The following SCN11A variants were observed in gnomAD, a reference collection of about 807,000 sequenced individuals.
SCN11A encodes sodium channel protein type 11 subunit alpha.
A neutral mutation model predicts 162.2 loss-of-function variants in SCN11A; 122 were observed. The observed-to-expected ratio is 0.75, with a 90% confidence interval of 0.65 to 0.87. The LOEUF is 0.87. SCN11A is among the 40% of genes least tolerant of loss of function. SCN11A has a pLI of 0.00. For synonymous variants in SCN11A, 758 were observed against 751.5 expected (o/e 1.01, Z -0.14); for missense variants, 2,015 against 2,181.6 (o/e 0.92, Z 1.52).
intron 16 of SCN11A, among the ~76,000 whole-genome samples, chr3:38,901,119 C>A (rs1227619581): frequency 1.3e-5 from 2 of 151,980 alleles, no homozygotes; most frequent in African/African-American, 4.8e-5. Context: ...CTGGGGGGAA[C>A]CTATAAACGA....
chr3:38,995,519 C>G (rs2030598839), intron 2 of SCN11A, among the ~76,000 whole-genome samples: 1 of 152,176 alleles, frequency 6.6e-6, no homozygotes, highest in Admixed American at 6.5e-5. Context: ...TGTTGGGAGG[C>G]AGGGAGCATC....
In SCN11A at chr3:39,028,581, A is replaced by C. The variant is rs116380692; in HGVS notation, c.-280+3799T>G. On this transcript the variant is annotated intron_variant, in intron 2 of 29. Coordinates refer to ENST00000302328, the MANE Select transcript of SCN11A (RefSeq NM_001349253.2). ...TATAACAGAATGCCTGGGACTGGGTAATTTATAAAGAAAGGAAGTTTATTT... is the reference window on the plus strand; with the variant it reads ...TATAACAGAATGCCTGGGACTGGGTCATTTATAAAGAAAGGAAGTTTATTT... Among the ~76,000 whole-genome samples, 594 of 152,296 alleles carry C rather than the reference A, an allele frequency of 3.9e-3. 5 individuals are homozygous for C. Among genetic ancestry groups the C allele is most frequent in the African/African-American group, 9.1e-3 (380 of 41,558 alleles).
rs754748948 is a variant in SCN11A, at chr3:38,846,925, A to G, written c.5145T>C (p.Asn1715=). The change falls in exon 30 of 30, where the codon AAT becomes AAC. Residue 1715 remains asparagine (N), a synonymous_variant. Transcript: ENST00000302328. The part of the protein sequence containing the change: ...AMMEEKFMEA[N]PLKKLYEPIV... Reference sequence around the variant, plus strand: ...TGGGTTCATACAACTTCTTGAGAGGATTGGCTTCCATGAACTTCTCTTCCA... The same window carrying G: ...TGGGTTCATACAACTTCTTGAGAGGGTTGGCTTCCATGAACTTCTCTTCCA... The G allele has an allele frequency of 3.7e-6, 6 of 1,613,832 alleles. No homozygotes were observed. Among genetic ancestry groups the G allele is most frequent in the Non-Finnish European group, 5.1e-6 (6 of 1,179,982 alleles).
chr3:38,937,676 C>T (rs1419551835), intron 7 of SCN11A, among the ~76,000 whole-genome samples: 2 of 151,996 alleles, frequency 1.3e-5, no homozygotes, highest in South Asian at 4.1e-4. Flanking sequence ...CAATGAGATA[C>T]CATCTCACAC....
At chr3:38,961,729 G>A (rs1170442656) in intron 2 of SCN11A, among the ~76,000 whole-genome samples, 2 of 152,292 alleles carry the variant, frequency 1.3e-5, no homozygotes, top group African/African-American at 4.8e-5. Flanking sequence ...TGATAGGATT[G>A]TTTGGGTTTT....
At chr3:38,863,153 C>A in intron 28 of SCN11A, 42 bp downstream of exon 28, 1 of 1,155,566 alleles carries the variant, frequency 8.7e-7, no homozygotes, top group Non-Finnish European at 1.3e-6. Context: ...CTCACAGTAA[C>A]TCAACTGTTC....
chr3:38,960,645 G>A (rs555158342), intron 2 of SCN11A, among the ~76,000 whole-genome samples: 1 of 152,266 alleles, frequency 6.6e-6, no homozygotes, highest in Admixed American at 6.5e-5. Flanking sequence ...CCAAGTGGGT[G>A]AGGGAATACA....
chr3:38,893,810 A>C (rs2065539993), intron 19 of SCN11A, among the ~76,000 whole-genome samples: 1 of 151,814 alleles, frequency 6.6e-6, no homozygotes, highest in African/African-American at 2.4e-5. Context: ...GATAAAATAA[A>C]ATATAATTAA....
intron 29 of SCN11A, chr3:38,849,244 C>A (rs569986697): frequency 7.6e-6 from 1 of 131,730 alleles, no homozygotes; most frequent in South Asian, 2.4e-4. Flanking sequence ...CATCTGACCA[C>A]CATTTTCTAG....
In SCN11A at chr3:39,051,722, G is replaced by A. The variant is rs114657551; in HGVS notation, c.-404+139C>T. On this transcript the variant is annotated intron_variant, in intron 1 of 29. Transcript: ENST00000302328. ...TGCTTTCGTTTTGCTTGGGCCTCTC[G>A]GGGAGGGCGCGGAAAAGAGCGCAAG... 3.8e-3 allele frequency among the ~76,000 whole-genome samples: 577 copies of A among 152,234 alleles called. 1 individual carries two copies. The highest frequency in any genetic ancestry group is 0.013 in the African/African-American group (548 of 41,530).
chr3:38,960,685 C>A (rs2066733422), intron 2 of SCN11A, among the ~76,000 whole-genome samples: 1 of 152,148 alleles, frequency 6.6e-6, no homozygotes, highest in South Asian at 2.1e-4. Context: ...CCAGGTTGTG[C>A]TTCCGCATTA....
At position 38,946,836 on chromosome 3, in the gene SCN11A, C is replaced by T; in HGVS notation, c.339G>A (p.Gly113=). The change falls in exon 6 of 30, where the codon GGG becomes GGA. Residue 113 remains glycine (G), a synonymous_variant. Coordinates refer to ENST00000302328, the MANE Select transcript of SCN11A (RefSeq NM_001349253.2). ...CTAAACTTCTGATTGAATTGAAAGG[C>T]CCAAAAATGAACAAGGCATGCTTGG... is the stretch of plus-strand genomic sequence containing the variant. ...FSAKHALFIF[G]PFNSIRSLAI... is the part of the protein sequence containing the mutation. 6.2e-7 allele frequency: 1 copy of T among 1,613,902 alleles called. No homozygotes were observed. The highest frequency in any genetic ancestry group is 2.2e-5 in the East Asian group (1 of 44,882).
At chr3:38,867,582 C>T in intron 26 of SCN11A, 124 bp from the exon 27 acceptor site, 1 of 692,002 alleles carries the variant, frequency 1.4e-6, no homozygotes, top group Non-Finnish European at 2.4e-6. Flanking sequence ...TAGCCTCTTC[C>T]TAACAGCCAT....
intron 28 of SCN11A, among the ~76,000 whole-genome samples, chr3:38,854,462 A>G (rs898300673): frequency 6.6e-5 from 10 of 152,222 alleles, no homozygotes; most frequent in Admixed American, 5.9e-4. Flanking sequence ...AAAAGCAAAA[A>G]CAGGAAGATG....
chr3:38,867,805 C>G (rs1049212477), intron 26 of SCN11A, among the ~76,000 whole-genome samples: 2 of 152,072 alleles, frequency 1.3e-5, no homozygotes, highest in Non-Finnish European at 2.9e-5. Context: ...CTGGAGGGAA[C>G]CTGACTGGAG....
intron 5 of SCN11A, among the ~76,000 whole-genome samples, chr3:38,947,531 C>T (rs2125574682): frequency 6.6e-6 from 1 of 152,308 alleles, no homozygotes; most frequent in African/African-American, 2.4e-5. Flanking sequence ...TGGTTGTCTG[C>T]TGTAATGACT....
At position 39,051,891 on chromosome 3, in the gene SCN11A, C is replaced by T. The variant is rs1236983311; in HGVS notation, c.-434G>A. ...CACATGGCTACCGGCCACACAGCAA[C>T]TAACAGCACCGAGGAAACACAACAG... On this transcript the variant is annotated 5_prime_UTR_variant, in exon 1 of 30. Coordinates refer to ENST00000302328, the MANE Select transcript of SCN11A (RefSeq NM_001349253.2). 9.3e-7 allele frequency: 1 copy of T among 1,080,260 alleles called. No homozygotes were observed. Among genetic ancestry groups the T allele is most frequent in the Non-Finnish European group, 1.4e-6 (1 of 729,506 alleles). 66.9% of individuals were successfully genotyped at this position (1,080,260 alleles called of 1,614,324 possible).
At chr3:38,985,895 C>T (rs986989226) in intron 2 of SCN11A, among the ~76,000 whole-genome samples, 2 of 150,802 alleles carry the variant, frequency 1.3e-5, no homozygotes, top group African/African-American at 5.0e-5. Flanking sequence ...AGGTTGCAGT[C>T]AAGATGTTAG....
Position 38,894,902 on chromosome 3 carries a change from G to A in SCN11A, c.2466C>T (p.Asn822=). ...NSFSNEERNG[N]LEGEARKTKV... ...TAGTTTTCCTGGCCTCTCCTTCTAA[G>A]TTTCCATTTCTTTCCTCATTGCTAA... Residue 822 remains asparagine, a synonymous_variant, in exon 19 of 30, where the codon AAC becomes AAT. Coordinates refer to ENST00000302328, the MANE Select transcript of SCN11A (RefSeq NM_001349253.2). 1 of 1,614,124 alleles carries A rather than the reference G, an allele frequency of 6.2e-7. No homozygotes were observed. The highest frequency in any genetic ancestry group is 1.7e-5 in the Admixed American group (1 of 60,018).
Sources: gnomAD v4.1 joint callset for allele counts (sites outside exome capture counted in the v4.1 genomes callset) on GRCh38, gnomAD v4.1.1 for gene constraint, MANE v1.5 for transcripts, NCBI Gene and HGNC (gene_info 2026-07-23, HGNC 2026-07-21) for gene names.